Variants in ZP3 observed in about 807,000 individuals in gnomAD.
ZP3 encodes zona pellucida sperm-binding protein 3.
A neutral mutation model predicts 35.6 loss-of-function variants in ZP3; 21 were observed. That is an observed-to-expected ratio of 0.59 (90% CI 0.42 to 0.85). ZP3 has a LOEUF of 0.85. ZP3 is among the 40% of genes least tolerant of loss of function. The pLI is 0.00. For synonymous variants in ZP3, 207 were observed against 214.5 expected (o/e 0.96, Z 0.31); for missense variants, 437 against 536.5 (o/e 0.81, Z 1.83).
intron 5 of ZP3, among the ~76,000 whole-genome samples, chr7:76,434,437 C>T: frequency 6.6e-6 from 1 of 151,462 alleles, no homozygotes. Context: ...AGTTCAAGAC[C>T]AGCCTGGCCA....
chr7:76,436,754 C>T (rs1584071833), intron 5 of ZP3, among the ~76,000 whole-genome samples: 1 of 152,302 alleles, frequency 6.6e-6, no homozygotes, highest in Non-Finnish European at 1.5e-5. Context: ...GGAGAGGATC[C>T]TGGTTGTGGG....
chr7:76,433,551 G>C lies in ZP3; in HGVS notation c.617G>C (p.Ser206Thr). 6.2e-7 allele frequency: 1 copy of C among 1,614,198 alleles called. No homozygotes were observed. Among genetic ancestry groups the C allele is most frequent in the Non-Finnish European group, 8.5e-7 (1 of 1,180,040 alleles). Residue 206 changes from serine to threonine, a missense_variant, in exon 4 of 8, where the codon AGC becomes ACC. Ser to Thr is a moderately conservative substitution (Grantham distance 58). Transcript: ENST00000394857. ...AHLQAEIHTGSHVPLRLFVDH... is the reference protein window; with the variant it reads ...AHLQAEIHTGTHVPLRLFVDH... ...CTCCAGGCAGAAATCCACACTGGCAGCCACGTGCCACTGCGGTTGTTTGTG... is the reference window on the plus strand; with the variant it reads ...CTCCAGGCAGAAATCCACACTGGCACCCACGTGCCACTGCGGTTGTTTGTG...
rs141376418 is a variant in ZP3, at chr7:76,433,517, G to A, written c.583G>A (p.Ala195Thr). The change falls in exon 4 of 8, where the codon GCA becomes ACA. Residue 195 changes from alanine to threonine, a missense_variant. Ala to Thr is a moderately conservative substitution (Grantham distance 58). Coordinates refer to ENST00000394857, the MANE Select transcript of ZP3 (RefSeq NM_001110354.2). ...KRSPTFHLGD[A>T]AHLQAEIHTG... ...GTCCCCCACCTTCCACCTGGGAGAT[G>A]CAGCCCACCTCCAGGCAGAAATCCA... 5 of 1,613,960 alleles carry A rather than the reference G, an allele frequency of 3.1e-6. No individual in the cohort carries two copies. Among genetic ancestry groups the A allele is most frequent in the Admixed American group, 3.3e-5 (2 of 59,980 alleles).
chr7:76,408,568 C>T (rs1805122514), intron 1 of ZP3, among the ~76,000 whole-genome samples: 1 of 152,164 alleles, frequency 6.6e-6, no homozygotes, highest in South Asian at 2.1e-4. Flanking sequence ...TGCCAGGAAT[C>T]CTCAGCTTCC....
chr7:76,401,189 GTC>G, intron 1 of ZP3: 2 of 1,208,700 alleles, frequency 1.7e-6, no homozygotes, highest in Middle Eastern at 2.0e-4. Flanking sequence ...AAGCCCCATT[GTC>G]TCTTTCTCTG....
At chr7:76,426,636 A>G (rs958024100) in intron 1 of ZP3, among the ~76,000 whole-genome samples, 1 of 151,822 alleles carries the variant, frequency 6.6e-6, no homozygotes, top group African/African-American at 2.4e-5. Context: ...TTGGGGAGCC[A>G]GGTGCCTGGC....
chr7:76,418,527 G>C (rs1295713136), intron 1 of ZP3, among the ~76,000 whole-genome samples: 2 of 143,494 alleles, frequency 1.4e-5, no homozygotes, highest in Non-Finnish European at 3.0e-5. Flanking sequence ...CTCCAGCCTG[G>C]GCCACGGAGC....
intron 5 of ZP3, among the ~76,000 whole-genome samples, chr7:76,436,537 A>G (rs904892195): frequency 6.6e-6 from 1 of 152,246 alleles, no homozygotes; most frequent in Non-Finnish European, 1.5e-5. Context: ...CATCGATGCC[A>G]CTTCACCTCC....
chr7:76,400,244 CCA>C, intron 1 of ZP3: 1 of 1,431,940 alleles, frequency 7.0e-7, no homozygotes, highest in Non-Finnish European at 9.2e-7. Flanking sequence ...CTGCTGCCTG[CCA>C]CAGTCTGTCT....
At chr7:76,432,687 G>A (rs909709338) in intron 2 of ZP3, among the ~76,000 whole-genome samples, 27 of 152,144 alleles carry the variant, frequency 1.8e-4, no homozygotes, top group African/African-American at 5.1e-4. Context: ...TGTCTTCAGC[G>A]GCCCAGATAG....
intron 1 of ZP3, among the ~76,000 whole-genome samples, chr7:76,405,882 C>G (rs1805008910): frequency 6.6e-6 from 1 of 152,022 alleles, no homozygotes; most frequent in Non-Finnish European, 1.5e-5. Flanking sequence ...TGTTTTCTTT[C>G]TTTCCTTCCT....
At chr7:76,426,409 C>T (rs1356227936) in intron 1 of ZP3, among the ~76,000 whole-genome samples, 2 of 152,210 alleles carry the variant, frequency 1.3e-5, no homozygotes, top group African/African-American at 2.4e-5. Flanking sequence ...AACCTGGCTC[C>T]TCCTCACCTG....
At chr7:76,404,538 T>C (rs1804938092) in intron 1 of ZP3, 1 of 1,576,996 alleles carries the variant, frequency 6.3e-7, no homozygotes, top group Admixed American at 1.7e-5. Flanking sequence ...TTGCTGGGCC[T>C]CCCAGCACTT....
chr7:76,428,183 C>T (rs1450601547), intron 1 of ZP3, among the ~76,000 whole-genome samples: 2 of 135,312 alleles, frequency 1.5e-5, no homozygotes, highest in East Asian at 4.4e-4. Flanking sequence ...AAAAAAAAGG[C>T]ACGGTGGCAC....
At chr7:76,404,633 A>C in intron 1 of ZP3, 1 of 727,470 alleles carries the variant, frequency 1.4e-6, no homozygotes, top group South Asian at 1.8e-5. Context: ...TCTCTACAAA[A>C]AGTTTTTAAA....
In ZP3 at chr7:76,433,560, C is replaced by T. The variant is rs1379319648; in HGVS notation, c.626C>T (p.Pro209Leu). The change falls in exon 4 of 8, where the codon CCA (proline) becomes CTA (leucine). Residue 209 changes from proline to leucine, a missense_variant. Pro to Leu is a moderately conservative substitution (Grantham distance 98). This residue lies in a region of ZP3 where 352 missense variants were observed against 308.4 expected (regional missense o/e 1.14). Transcript: ENST00000394857. ...QAEIHTGSHV[P>L]LRLFVDHCVA... ...GAAATCCACACTGGCAGCCACGTGC[C>T]ACTGCGGTTGTTTGTGGACCACTGC... 1 of 1,614,220 alleles carries T rather than the reference C, an allele frequency of 6.2e-7. No homozygotes were observed. The highest frequency in any genetic ancestry group is 8.5e-7 in the Non-Finnish European group (1 of 1,180,036).
intron 1 of ZP3, among the ~76,000 whole-genome samples, chr7:76,401,552 G>A (rs1466611762): frequency 1.3e-5 from 2 of 152,124 alleles, no homozygotes; most frequent in East Asian, 3.9e-4. Flanking sequence ...GAGTAGCTGG[G>A]ATTACAGGTG....
chr7:76,437,559 C>T (rs1458706997), intron 5 of ZP3, among the ~76,000 whole-genome samples: 1 of 150,142 alleles, frequency 6.7e-6, no homozygotes, highest in East Asian at 2.0e-4. Context: ...AATCTCAGCT[C>T]ACTGCAACTT....
In ZP3 at chr7:76,429,340, A is replaced by G. The variant is rs750935978; in HGVS notation, c.313-175A>G. ...GGCCAGTCTCAAACTCCTGGCCTCA[A>G]GCAATCCTTGGCCTCCCAAAGTGCT... On this transcript the variant is annotated intron_variant, in intron 1 of 7. Coordinates refer to ENST00000394857, the MANE Select transcript of ZP3 (RefSeq NM_001110354.2). 4.1e-4 allele frequency: 255 copies of G among 617,520 alleles called. 1 individual carries two copies. Among genetic ancestry groups the G allele is most frequent in the Admixed American group, 6.2e-4 (25 of 40,058 alleles). 38.3% of individuals were successfully genotyped at this position (617,520 alleles called of 1,614,324 possible).
Sources: allele counts gnomAD v4.1 joint callset (sites outside exome capture counted in the v4.1 genomes callset), GRCh38; gene constraint gnomAD v4.1.1; regional missense constraint gnomAD v4.1.1; transcripts MANE v1.5; gene names NCBI Gene and HGNC (gene_info 2026-07-23, HGNC 2026-07-21).